The following SYT13 variants were observed in gnomAD, a reference collection of about 807,000 sequenced individuals.
SYT13 encodes the protein synaptotagmin 13, also known as synaptotagmin-13.
In SYT13, 21 loss-of-function variants were observed where a neutral mutation model predicts 38.6. The observed-to-expected ratio is 0.54, with a 90% confidence interval of 0.39 to 0.78. The LOEUF (loss-of-function observed/expected upper bound fraction) is 0.78. Among genes scored for constraint, SYT13 ranks in the 30% least tolerant of loss-of-function variants. The probability of loss-of-function intolerance (pLI) is 0.00; values close to 1 mark genes in which losing one functional copy is unlikely to be tolerated. For synonymous variants in SYT13, 241 were observed against 237.6 expected, an observed-to-expected ratio of 1.01 and a Z score of -0.13; for missense variants, 495 against 548.7, an observed-to-expected ratio of 0.90 and a Z score of 0.98.
intron 4 of SYT13, among the ~76,000 whole-genome samples, chr11:45,251,792 G>T (rs1043930965): frequency 6.7e-6 from 1 of 150,056 alleles, no homozygotes; most frequent in African/African-American, 2.5e-5. Flanking sequence ...AGCAGATATG[G>T]GGAAATCATC....
intron 1 of SYT13, chr11:45,285,743 C>T: frequency 1.5e-6 from 1 of 667,270 alleles, no homozygotes; most frequent in African/African-American, 1.8e-5. Context: ...CTTTCCTGTC[C>T]CCTCCCTTTA....
intron 1 of SYT13, among the ~76,000 whole-genome samples, chr11:45,274,665 C>A (rs945416911): frequency 6.6e-6 from 1 of 152,226 alleles, no homozygotes; most frequent in African/African-American, 2.4e-5. Flanking sequence ...CTGTTTCAAT[C>A]AACTCTTCCA....
rs1854692447 is a variant in SYT13 at position 45,252,647 on chromosome 11, T to G, written c.620A>C (p.Glu207Ala). 1 of 1,613,088 alleles carries G rather than the reference T, an allele frequency of 6.2e-7. No homozygotes were observed. The highest frequency in any genetic ancestry group is 8.5e-7 in the Non-Finnish European group (1 of 1,179,164). ...GSVANRTGSV[E>A]AQTALKKRQL... Reference sequence around the variant, plus strand: ...CCGCTTCTTTAGGGCTGTCTGAGCCTCCACAGAGCCGGTCCTATTGGCCAC... The same window carrying G: ...CCGCTTCTTTAGGGCTGTCTGAGCCGCCACAGAGCCGGTCCTATTGGCCAC... Residue 207 changes from glutamate (E) to alanine (A), a missense_variant, in exon 4 of 6, where the codon GAG becomes GCG. Glu to Ala is a moderately radical substitution (Grantham distance 107, BLOSUM62 -1). Coordinates refer to ENST00000020926, the MANE Select transcript of SYT13 (RefSeq NM_020826.3). This position sits in a 1 kb window ranked among gnomAD's most constrained non-coding sequence, Gnocchi z 4.3.
intron 4 of SYT13, among the ~76,000 whole-genome samples, chr11:45,251,266 G>A (rs1324891235): frequency 6.6e-6 from 1 of 151,072 alleles, no homozygotes; most frequent in Non-Finnish European, 1.5e-5. Flanking sequence ...GCGTGTGGCT[G>A]TAATCCCAGC....
intron 1 of SYT13, among the ~76,000 whole-genome samples, chr11:45,257,189 G>T (rs1854758992): frequency 1.3e-5 from 2 of 152,032 alleles, no homozygotes; most frequent in Admixed American, 1.3e-4. Context: ...TAAGTATATG[G>T]GGCTCCTCAC....
intron 4 of SYT13, among the ~76,000 whole-genome samples, chr11:45,251,560 C>G (rs889064438): frequency 6.6e-6 from 1 of 152,086 alleles, no homozygotes; most frequent in Non-Finnish European, 1.5e-5. Context: ...GGTTGAGAGA[C>G]TAGTCACCCA....
chr11:45,286,174 C>T lies in SYT13; in HGVS notation c.34G>A (p.Ala12Thr). ...ATGCTGGTGGCTGTGCCCAGCGTGG[C>T]GCCCAGCGCGATCACAGGCACCGAC... is the stretch of plus-strand genomic sequence containing the variant. ...VLSVPVIALG[A>T]TLGTATSILA... The change falls in exon 1 of 6, where the codon GCC (alanine) becomes ACC (threonine). Residue 12 changes from alanine to threonine, a missense_variant. By Grantham distance (58) the Ala-to-Thr change is moderately conservative. Transcript: ENST00000020926. 3 of 1,579,574 alleles carry T rather than the reference C, an allele frequency of 1.9e-6. No homozygotes were observed. Among genetic ancestry groups the T allele is most frequent in the Non-Finnish European group, 2.6e-6 (3 of 1,166,704 alleles).
At chr11:45,278,224 T>C (rs911822876) in intron 1 of SYT13, among the ~76,000 whole-genome samples, 1 of 152,214 alleles carries the variant, frequency 6.6e-6, no homozygotes. Flanking sequence ...AGAGCAGATT[T>C]TCCCTTTGTT....
intron 1 of SYT13, among the ~76,000 whole-genome samples, chr11:45,264,347 A>C (rs1309030483): frequency 1.3e-5 from 2 of 152,194 alleles, no homozygotes; most frequent in Non-Finnish European, 2.9e-5. Context: ...GATTATGCAA[A>C]TGTGAGAAGA....
chr11:45,281,481 C>T (rs1201323095), intron 1 of SYT13, among the ~76,000 whole-genome samples: 4 of 152,128 alleles, frequency 2.6e-5, no homozygotes, highest in Non-Finnish European at 5.9e-5. Context: ...GCCTAGCCAA[C>T]ATGGCAAAGC....
At chr11:45,263,332 C>T (rs1039015559) in intron 1 of SYT13, among the ~76,000 whole-genome samples, 21 of 152,184 alleles carry the variant, frequency 1.4e-4, no homozygotes, top group Admixed American at 9.2e-4. Context: ...TGTAAACAAA[C>T]GTTTAACCTT....
chr11:45,273,335 A>G (rs1854972828), intron 1 of SYT13, among the ~76,000 whole-genome samples: 1 of 152,116 alleles, frequency 6.6e-6, no homozygotes, highest in Non-Finnish European at 1.5e-5. Context: ...GGGAGGGAGC[A>G]GGGGTGATGA....
At chr11:45,245,837 C>A (rs762745628) in intron 5 of SYT13, among the ~76,000 whole-genome samples, 8 of 152,350 alleles carry the variant, frequency 5.3e-5, no homozygotes, top group Admixed American at 2.0e-4. Flanking sequence ...TGCCATCACC[C>A]ACACTCAGCT....
intron 1 of SYT13, among the ~76,000 whole-genome samples, chr11:45,276,905 A>G (rs1855018246): frequency 1.3e-5 from 2 of 152,168 alleles, no homozygotes; most frequent in South Asian, 2.1e-4. Flanking sequence ...TCCTAGGTAT[A>G]TACTTGAAAG....
At chr11:45,279,389 C>T (rs1272946405) in intron 1 of SYT13, among the ~76,000 whole-genome samples, 2 of 152,110 alleles carry the variant, frequency 1.3e-5, no homozygotes, top group African/African-American at 2.4e-5. Flanking sequence ...CAAGACCAGC[C>T]TGGGCAACAT....
At chr11:45,271,590 A>T (rs773437099) in intron 1 of SYT13, among the ~76,000 whole-genome samples, 1 of 152,248 alleles carries the variant, frequency 6.6e-6, no homozygotes, top group East Asian at 1.9e-4. Flanking sequence ...AAGCAAAAAA[A>T]TCTTGAATTC....
intron 4 of SYT13, among the ~76,000 whole-genome samples, chr11:45,246,970 T>C (rs1225754697): frequency 6.6e-6 from 1 of 152,184 alleles, no homozygotes; most frequent in Non-Finnish European, 1.5e-5. Context: ...TTCATTACTA[T>C]GTTTGAAAAG....
intron 1 of SYT13, among the ~76,000 whole-genome samples, chr11:45,266,195 C>T (rs1184297886): frequency 6.6e-6 from 1 of 152,146 alleles, no homozygotes; most frequent in African/African-American, 2.4e-5. Context: ...CAGCCCAGAA[C>T]TTGGCTGTGG....
intron 5 of SYT13, among the ~76,000 whole-genome samples, chr11:45,245,203 C>T (rs1854600030): frequency 6.6e-6 from 1 of 152,204 alleles, no homozygotes; most frequent in African/African-American, 2.4e-5. Context: ...CCAAGGAAAT[C>T]CACAAACAGG....
Sources: allele counts gnomAD v4.1 joint callset (sites outside exome capture counted in the v4.1 genomes callset), GRCh38; gene constraint gnomAD v4.1.1; non-coding constraint Gnocchi (gnomAD v3.1); transcripts MANE v1.5; gene names NCBI Gene and HGNC (gene_info 2026-07-23, HGNC 2026-07-21).